Variants in ICE2 observed in about 807,000 individuals in gnomAD.
ICE2 encodes the protein little elongation complex subunit 2.
Under a neutral mutation model 105.4 loss-of-function variants are expected in ICE2, and 87 were observed. That is an observed-to-expected ratio of 0.83 (90% CI 0.69 to 0.99). The LOEUF (loss-of-function observed/expected upper bound fraction) is 0.99. Ranked by LOEUF, ICE2 falls within the 50% of genes least tolerant of loss-of-function variation. The probability of loss-of-function intolerance (pLI) is 0.00; values close to 1 mark genes in which losing one functional copy is unlikely to be tolerated. For synonymous variants in ICE2, 399 were observed against 392.0 expected (o/e 1.02, Z -0.21); for missense variants, 1,323 against 1,146.7 (o/e 1.15, Z -2.22).
At position 60,422,281 on chromosome 15, in the gene ICE2, C is replaced by T. The variant is rs1307515251; in HGVS notation, c.*1353G>A. ...TTGAGTAGCTGGGACTACAGGCACA[C>T]CCCACCACACCCGGCTAACTTTTTT... On this transcript the variant is annotated 3_prime_UTR_variant, in exon 16 of 16. Coordinates refer to ENST00000261520, the MANE Select transcript of ICE2 (RefSeq NM_024611.6). The T allele has an allele frequency of 6.6e-6, 1 of 151,834 alleles. No individual in the cohort carries two copies. Among genetic ancestry groups the T allele is most frequent in the Non-Finnish European group, 1.5e-5 (1 of 68,036 alleles). 9.4% of individuals were successfully genotyped at this position (151,834 alleles called of 1,614,324 possible).
Position 60,449,042 on chromosome 15 carries a change from A to G in ICE2, c.1925T>C (p.Phe642Ser), listed in dbSNP as rs769068775. 2.2e-5 allele frequency: 36 copies of G among 1,613,244 alleles called. No individual in the cohort carries two copies. Among genetic ancestry groups the G allele is most frequent in the Non-Finnish European group, 2.9e-5 (34 of 1,179,774 alleles). The change falls in exon 10 of 16, where the codon TTT becomes TCT. Residue 642 changes from phenylalanine (F) to serine (S), a missense_variant. Coordinates refer to ENST00000261520, the MANE Select transcript of ICE2 (RefSeq NM_024611.6). ...KKPIKRVYKK[F>S]DPVGEILKMQ... ...TTTTAAAATCTCTCCAACTGGATCA[A>G]ATTTTTTATATACTCGTTTGATAGG... is the stretch of plus-strand genomic sequence containing the variant.
chr15:60,435,248 T>G (rs542813202), intron 13 of ICE2, among the ~76,000 whole-genome samples: 1 of 151,598 alleles, frequency 6.6e-6, no homozygotes, highest in South Asian at 2.1e-4. Context: ...GCCACTGCAC[T>G]CCAGCCTGGG....
chr15:60,470,758 A>G (rs1167857192), intron 3 of ICE2, among the ~76,000 whole-genome samples: 1 of 152,180 alleles, frequency 6.6e-6, no homozygotes, highest in East Asian at 1.9e-4. Flanking sequence ...ATTATATCTC[A>G]TAATGCAGTA....
rs1449841033 is a variant in ICE2 at position 60,477,950 on chromosome 15, G to C, written c.28C>G (p.Pro10Ala). ...GCTACAACTCACCAATTCAGTCCTGGTTCACTTATGACCATCTTGGAGCTC... is the reference window on the plus strand; with the variant it reads ...GCTACAACTCACCAATTCAGTCCTGCTTCACTTATGACCATCTTGGAGCTC... MSSKMVISE[P>A]GLNWDISPKN... Residue 10 changes from proline to alanine, a missense_variant, in exon 2 of 16, where the codon CCA (proline) becomes GCA (alanine). Coordinates refer to ENST00000261520, the MANE Select transcript of ICE2 (RefSeq NM_024611.6). 3 of 1,614,034 alleles carry C rather than the reference G, an allele frequency of 1.9e-6. No homozygotes were observed.
At chr15:60,478,639 TGATA>T (rs1321873073) in intron 1 of ICE2, 8 of 331,088 alleles carry the variant, frequency 2.4e-5, no homozygotes, top group Non-Finnish European at 1.2e-5. Context: ...CCAGGCAGAC[TGATA>T]AAGTGACCTG....
In ICE2 at chr15:60,466,650, T is replaced by C; in HGVS notation, c.472A>G (p.Lys158Glu). The change falls in exon 5 of 16, where the codon AAG becomes GAG. Residue 158 changes from lysine to glutamate, a missense_variant. By Grantham distance (56) the Lys-to-Glu change is moderately conservative. Coordinates refer to ENST00000261520, the MANE Select transcript of ICE2 (RefSeq NM_024611.6). The stretch of plus-strand genomic sequence containing the variant: ...ATATTATAATCCTGCGCACATTTCT[T>C]TGCAGAATTCTGCAAAAACTTTAGG... ...EFLKFLQNSA[K>E]KCAQDYNMLS... The C allele has an allele frequency of 1.2e-6, 2 of 1,611,746 alleles. No individual in the cohort carries two copies. Among genetic ancestry groups the C allele is most frequent in the Non-Finnish European group, 1.7e-6 (2 of 1,179,700 alleles).
chr15:60,475,319 G>A (rs980004299), intron 3 of ICE2, among the ~76,000 whole-genome samples: 2 of 152,128 alleles, frequency 1.3e-5, no homozygotes, highest in East Asian at 3.9e-4. Context: ...AAATATCAGA[G>A]AGGAAAAAAA....
rs1566961678 is a variant in ICE2 at position 60,420,965 on chromosome 15, T to G, written c.*2669A>C. On this transcript the variant is annotated 3_prime_UTR_variant, in exon 16 of 16. Transcript: ENST00000261520. Reference sequence around the variant, plus strand: ...AACAAAACAAATATGCCCCTGTCCTTGCAGAGCTTGTAATCTATAAGAAAA... The same window carrying G: ...AACAAAACAAATATGCCCCTGTCCTGGCAGAGCTTGTAATCTATAAGAAAA... The G allele has an allele frequency of 6.6e-6, 1 of 152,020 alleles. No homozygotes were observed. Among genetic ancestry groups the G allele is most frequent in the African/African-American group, 2.4e-5 (1 of 41,292 alleles). The allele number at this position is 152,020 out of a possible 1,614,324, so 9.4% of individuals were successfully genotyped here. A position where few individuals can be genotyped will look rare whatever the true frequency, so the allele number is the denominator to read the frequency against.
rs2064070786 is a variant in ICE2 at position 60,455,161 on chromosome 15, T to C, written c.785A>G (p.Asp262Gly). 6.4e-7 allele frequency: 1 copy of C among 1,565,938 alleles called. No homozygotes were observed. Among genetic ancestry groups the C allele is most frequent in the East Asian group, 2.2e-5 (1 of 44,668 alleles). The stretch of plus-strand genomic sequence containing the variant: ...CTCTGCATTTGGATCTTTACTAATA[T>C]CCTGAAAAACAACAAGTAATTTGTT... The part of the protein sequence containing the change: ...SEQTAEAMHY[D>G]ISKDPNAEKL... Residue 262 changes from aspartate (D) to glycine (G), a missense_variant and splice_region_variant, in exon 8 of 16, where the codon GAT (aspartate) becomes GGT (glycine). By Grantham distance (94) the Asp-to-Gly change is moderately conservative (BLOSUM62 -1). Coordinates refer to ENST00000261520, the MANE Select transcript of ICE2 (RefSeq NM_024611.6).
chr15:60,449,399 T>C lies in ICE2; in HGVS notation c.1568A>G (p.Glu523Gly). 6.2e-7 allele frequency: 1 copy of C among 1,613,402 alleles called. No homozygotes were observed. Among genetic ancestry groups the C allele is most frequent in the South Asian group, 1.1e-5 (1 of 91,068 alleles). Reference protein sequence around the residue: ...ALQLENSQEIETSNKNDMTID... With the variant: ...ALQLENSQEIGTSNKNDMTID... The stretch of plus-strand genomic sequence containing the variant: ...AGTCATATCATTTTTATTAGAAGTT[T>C]CAATTTCCTGAGAATTTTCTAACTG... The change falls in exon 10 of 16, where the codon GAA (glutamate) becomes GGA (glycine). Residue 523 changes from glutamate to glycine, a missense_variant. Glu to Gly is a moderately conservative substitution (Grantham distance 98, BLOSUM62 -2). Transcript: ENST00000261520.
chr15:60,442,617 A>G, intron 11 of ICE2, 72 bp from the exon 12 acceptor site: 1 of 1,209,448 alleles, frequency 8.3e-7, no homozygotes, highest in Non-Finnish European at 1.2e-6. Flanking sequence ...TTGCCTATAC[A>G]GCTTTGCCAC....
chr15:60,464,676 T>A (rs944916661), intron 5 of ICE2, among the ~76,000 whole-genome samples: 3 of 145,636 alleles, frequency 2.1e-5, no homozygotes, highest in African/African-American at 7.7e-5. Flanking sequence ...TTGTAGAAAG[T>A]GAGGATGGGG....
rs939114418 is a variant in ICE2, at chr15:60,468,227, G to T, written c.242C>A (p.Thr81Lys). The change falls in exon 4 of 16, where the codon ACA (threonine) becomes AAA (lysine). Residue 81 changes from threonine to lysine, a missense_variant. Physicochemically the swap from Thr to Lys is moderately conservative, Grantham distance 78. Transcript: ENST00000261520. ...TTTTGGAAGAAGAACCATTCCAATTGTGGTTTTAACTTTTTCCTTTGCTTG... is the reference window on the plus strand; with the variant it reads ...TTTTGGAAGAAGAACCATTCCAATTTTGGTTTTAACTTTTTCCTTTGCTTG... Reference protein sequence around the residue: ...ATQAKEKVKTTIGMVLLPKPR... With the variant: ...ATQAKEKVKTKIGMVLLPKPR... 1 of 1,614,002 alleles carries T rather than the reference G, an allele frequency of 6.2e-7. No individual in the cohort carries two copies. The highest frequency in any genetic ancestry group is 1.3e-5 in the African/African-American group (1 of 75,052).
intron 12 of ICE2, chr15:60,438,394 T>G (rs1414191222): frequency 6.6e-6 from 1 of 152,194 alleles, no homozygotes; most frequent in Non-Finnish European, 1.5e-5. Context: ...TTTATGCTCA[T>G]ACAAATAATT....
chr15:60,428,364 A>C lies in ICE2; in HGVS notation c.2820+65T>G, dbSNP rs146540685. 649 of 1,493,040 alleles carry C rather than the reference A, an allele frequency of 4.3e-4. 8 individuals carry two copies. In the East Asian group the frequency reaches 0.013, roughly 30 times the overall value. The allele number at this position is 1,493,040 out of a possible 1,614,324, so 92.5% of individuals were successfully genotyped here. A position where few individuals can be genotyped will look rare whatever the true frequency, so the allele number is the denominator to read the frequency against. ...TGAGAACATCAGGGTGAAATACGGT[A>C]AAGTCAGTGAAATAGACGAATAATA... On this transcript the variant is annotated intron_variant, in intron 15 of 15. Transcript: ENST00000261520.
chr15:60,443,922 T>C (rs2063770712), intron 11 of ICE2, among the ~76,000 whole-genome samples: 1 of 151,186 alleles, frequency 6.6e-6, no homozygotes, highest in Non-Finnish European at 1.5e-5. Context: ...AGCAAGACCC[T>C]GCCTCTACAA....
intron 14 of ICE2, among the ~76,000 whole-genome samples, chr15:60,430,389 A>G (rs1224933112): frequency 6.6e-6 from 1 of 152,208 alleles, no homozygotes; most frequent in Non-Finnish European, 1.5e-5. Flanking sequence ...AACTCAGTGA[A>G]CCCTGTTAGA....
Position 60,468,066 on chromosome 15 carries a change from A to G in ICE2, c.403T>C (p.Tyr135His), listed in dbSNP as rs766563357. The G allele has an allele frequency of 6.2e-7, 1 of 1,610,908 alleles. No homozygotes were observed. Among genetic ancestry groups the G allele is most frequent in the Non-Finnish European group, 8.5e-7 (1 of 1,178,444 alleles). The change falls in exon 4 of 16, where the codon TAC (tyrosine) becomes CAC (histidine). Residue 135 changes from tyrosine to histidine, a missense_variant. Coordinates refer to ENST00000261520, the MANE Select transcript of ICE2 (RefSeq NM_024611.6). Reference sequence around the variant, plus strand: ...CTGAAGAACACAATACATACCAAGTACTGCAAGTAGTCATTTTTATTTATT... The same window carrying G: ...CTGAAGAACACAATACATACCAAGTGCTGCAAGTAGTCATTTTTATTTATT... ...VGINKNDYLQ[Y>H]LDMKKHVNEE...
At position 60,447,955 on chromosome 15, in the gene ICE2, C is replaced by T. The variant is rs1364418199; in HGVS notation, c.2295+15G>A. ...TTTATGTGATCATATTCTAACTCCG[C>T]AAATAACAACTTACTCTTCTGATTT... On this transcript the variant is annotated intron_variant, in intron 11 of 15. Coordinates refer to ENST00000261520, the MANE Select transcript of ICE2 (RefSeq NM_024611.6). 1.3e-6 allele frequency: 2 copies of T among 1,598,286 alleles called. No individual in the cohort carries two copies. The highest frequency in any genetic ancestry group is 1.3e-5 in the African/African-American group (1 of 74,346).
Sources: gnomAD v4.1 joint callset for allele counts (sites outside exome capture counted in the v4.1 genomes callset) on GRCh38, gnomAD v4.1.1 for gene constraint, MANE v1.5 for transcripts, NCBI Gene and HGNC (gene_info 2026-07-23, HGNC 2026-07-21) for gene names.